BEGAIN: variants seen among roughly 807,000 people sequenced by gnomAD.
The protein encoded by BEGAIN is brain-enriched guanylate kinase-associated protein.
BEGAIN carries 19 observed loss-of-function variants against 35.8 expected under a neutral mutation model. The observed-to-expected ratio is 0.53, with a 90% confidence interval of 0.37 to 0.78. The LOEUF (loss-of-function observed/expected upper bound fraction) is 0.78, where lower values mean the gene tolerates loss of function less well. BEGAIN is among the 30% of genes least tolerant of loss of function. The pLI is 0.00. For synonymous variants in BEGAIN, 462 were observed against 388.6 expected, an observed-to-expected ratio of 1.19 and a Z score of -2.22; for missense variants, 795 against 853.6, an observed-to-expected ratio of 0.93 and a Z score of 0.85.
chr14:100,570,453 C>T (rs768048179), intron 1 of BEGAIN, among the ~76,000 whole-genome samples: 4 of 152,198 alleles, frequency 2.6e-5, no homozygotes, highest in South Asian at 2.1e-4. Context: ...CCATTGCCTT[C>T]GGGGCAACCA....
intron 2 of BEGAIN, among the ~76,000 whole-genome samples, chr14:100,562,899 G>A (rs960129822): frequency 1.3e-5 from 2 of 152,144 alleles, no homozygotes; most frequent in South Asian, 2.1e-4. Context: ...TCATTGCGGC[G>A]TCCTCAGCGC....
chr14:100,564,096 G>A (rs1202228506), intron 2 of BEGAIN, among the ~76,000 whole-genome samples: 2 of 151,422 alleles, frequency 1.3e-5, no homozygotes, highest in Middle Eastern at 3.4e-3. Flanking sequence ...GAAGGGTCTC[G>A]GGGGATCTTA....
intron 2 of BEGAIN, chr14:100,548,805 G>C (rs1038377472): frequency 3.9e-5 from 6 of 152,132 alleles, no homozygotes; most frequent in African/African-American, 1.4e-4. Flanking sequence ...GGTGGGCTCG[G>C]GGCAGACATC....
chr14:100,543,382 T>C (rs557861074), intron 5 of BEGAIN, among the ~76,000 whole-genome samples: 12 of 151,658 alleles, frequency 7.9e-5, no homozygotes, highest in African/African-American at 2.4e-4. Context: ...AGCTAATTCG[T>C]GAATGCAGAG....
chr14:100,566,264 G>T (rs151021261), intron 2 of BEGAIN, among the ~76,000 whole-genome samples: 1 of 152,228 alleles, frequency 6.6e-6, no homozygotes, highest in African/African-American at 2.4e-5. Context: ...CAACGCTGAC[G>T]CCATCAGCAG....
rs760543094 is a variant in BEGAIN at position 100,558,607 on chromosome 14, C to T, written c.71+9304G>A. Among the ~76,000 whole-genome samples, 18 of 152,324 alleles carry T rather than the reference C, an allele frequency of 1.2e-4. No individual in the cohort carries two copies. The highest frequency in any genetic ancestry group is 2.9e-4 in the African/African-American group (12 of 41,570). ...TCATGGGCAGCACAGATCTGCTGGG[C>T]GCAGCTGAGCTCCCATCGCCCCTAC... On this transcript the variant is annotated intron_variant, in intron 2 of 6. Coordinates refer to ENST00000554140, the MANE Select transcript of BEGAIN (RefSeq NM_001385089.1). This position sits in a 1 kb window ranked among gnomAD's most constrained non-coding sequence, Gnocchi z 4.6.
At chr14:100,564,117 G>A (rs1314816445) in intron 2 of BEGAIN, among the ~76,000 whole-genome samples, 1 of 150,288 alleles carries the variant, frequency 6.7e-6, no homozygotes, top group Non-Finnish European at 1.5e-5. Context: ...GGGGCTGGCC[G>A]GGAGCAGGAT....
rs1198600723 is a variant in BEGAIN, at chr14:100,568,496, G to A, written c.43-557C>T. 2 of 1,286,952 alleles carry A rather than the reference G, an allele frequency of 1.6e-6. No individual in the cohort carries two copies. Among genetic ancestry groups the A allele is most frequent in the South Asian group, 1.2e-5 (1 of 80,660 alleles). 79.7% of individuals were successfully genotyped at this position (1,286,952 alleles called of 1,614,324 possible). A position where few individuals can be genotyped will look rare whatever the true frequency, so the allele number is the denominator to read the frequency against. On this transcript the variant is annotated intron_variant, in intron 1 of 6. Coordinates refer to ENST00000554140, the MANE Select transcript of BEGAIN (RefSeq NM_001385089.1). The surrounding 1 kb of genome is among the most constrained non-coding windows in gnomAD (Gnocchi z 7.5). ...GCCTCGACTCCTCAATCAGGGACCC[G>A]CTGCCCTCAGATTCTGGGGTTTTGG...
intron 1 of BEGAIN, among the ~76,000 whole-genome samples, chr14:100,570,764 A>G (rs1402119133): frequency 6.6e-6 from 1 of 151,962 alleles, no homozygotes; most frequent in Non-Finnish European, 1.5e-5. Context: ...GCACGGGCCC[A>G]GCACCCCGGG....
chr14:100,558,663 C>G lies in BEGAIN; in HGVS notation c.71+9248G>C, dbSNP rs541823231. 6.6e-6 allele frequency among the ~76,000 whole-genome samples: 1 copy of G among 152,206 alleles called. No homozygotes were observed. The highest frequency in any genetic ancestry group is 1.5e-5 in the Non-Finnish European group (1 of 68,038). ...CACAGCCTACCCCCACACCCTGCAG[C>G]AAGACAAGTCCTCTCCTGTGCCTCG... On this transcript the variant is annotated intron_variant, in intron 2 of 6. Transcript: ENST00000554140. The surrounding 1 kb of genome is among the most constrained non-coding windows in gnomAD (Gnocchi z 4.6).
chr14:100,557,051 C>G (rs538366892), intron 2 of BEGAIN, among the ~76,000 whole-genome samples: 9 of 150,894 alleles, frequency 6.0e-5, no homozygotes, highest in Admixed American at 3.9e-4. Context: ...GTCCCAGCGC[C>G]GGCTCTGCCG....
intron 1 of BEGAIN, among the ~76,000 whole-genome samples, chr14:100,585,415 C>CCCATCCATCCAT (rs71113272): frequency 4.2e-4 from 28 of 66,056 alleles, no homozygotes; most frequent in African/African-American, 8.8e-4. Context: ...CTCCCTCCCT[C>CCCATCCATCCAT]CCATCCATCC....
At position 100,543,965 on chromosome 14, in the gene BEGAIN, C is replaced by T; in HGVS notation, c.301G>A (p.Gly101Ser). ...CGCTTCTCCTCCTCATAGTGCTGGCCCTGGGGGTGGGACAGTGGGAGGAGG... is the reference window on the plus strand; with the variant it reads ...CGCTTCTCCTCCTCATAGTGCTGGCTCTGGGGGTGGGACAGTGGGAGGAGG... ...QELEDKLYRM[G>S]QHYEEEKRAL... Residue 101 changes from glycine to serine, a missense_variant and splice_region_variant, in exon 5 of 7, where the codon GGC becomes AGC. Physicochemically the swap from Gly to Ser is moderately conservative, Grantham distance 56 (BLOSUM62 0). Coordinates refer to ENST00000554140, the MANE Select transcript of BEGAIN (RefSeq NM_001385089.1). 1 of 1,606,486 alleles carries T rather than the reference C, an allele frequency of 6.2e-7. No individual in the cohort carries two copies. The highest frequency in any genetic ancestry group is 1.1e-5 in the South Asian group (1 of 89,634).
intron 1 of BEGAIN, among the ~76,000 whole-genome samples, chr14:100,581,533 C>T (rs987904660): frequency 3.3e-5 from 5 of 152,162 alleles, no homozygotes; most frequent in East Asian, 1.9e-4. Context: ...GCCCATCCTG[C>T]GTGCCAAGCT....
chr14:100,562,586 C>T (rs903664283), intron 2 of BEGAIN, among the ~76,000 whole-genome samples: 1 of 151,696 alleles, frequency 6.6e-6, no homozygotes, highest in Non-Finnish European at 1.5e-5. Context: ...CAGCAGACCC[C>T]GTCGCTCGAG....
At chr14:100,564,695 C>T (rs911766088) in intron 2 of BEGAIN, among the ~76,000 whole-genome samples, 5 of 152,258 alleles carry the variant, frequency 3.3e-5, no homozygotes, top group Admixed American at 3.3e-4. Flanking sequence ...ACCATGTGGC[C>T]CCCCGGCCTG....
Position 100,567,707 on chromosome 14 carries a change from C to T in BEGAIN, c.71+204G>A, listed in dbSNP as rs1204595028. On this transcript the variant is annotated intron_variant, in intron 2 of 6. Transcript: ENST00000554140. The surrounding 1 kb of genome is among the most constrained non-coding windows in gnomAD (Gnocchi z 5.1). The stretch of plus-strand genomic sequence containing the variant: ...CCCCCGCCGCAGCGGCCCGGGCCGG[C>T]GGAGGAGCCCCGCGCGAGGCTCCCC... Among the ~76,000 whole-genome samples, 1 of 151,196 alleles carries T rather than the reference C, an allele frequency of 6.6e-6. No homozygotes were observed. The highest frequency in any genetic ancestry group is 2.0e-4 in the East Asian group (1 of 5,074).
intron 4 of BEGAIN, among the ~76,000 whole-genome samples, chr14:100,544,292 C>A (rs1294703710): frequency 6.6e-6 from 1 of 152,168 alleles, no homozygotes; most frequent in African/African-American, 2.4e-5. Flanking sequence ...CAGCCCACCT[C>A]ACTGGACAGA....
At chr14:100,556,524 C>T (rs1595128952) in intron 2 of BEGAIN, among the ~76,000 whole-genome samples, 1 of 152,154 alleles carries the variant, frequency 6.6e-6, no homozygotes, top group African/African-American at 2.4e-5. Context: ...CTGCTCAGAG[C>T]GTGCCCTTCC....
Sources: allele counts gnomAD v4.1 joint callset (sites outside exome capture counted in the v4.1 genomes callset), GRCh38; gene constraint gnomAD v4.1.1; non-coding constraint Gnocchi (gnomAD v3.1); transcripts MANE v1.5; gene names NCBI Gene and HGNC (gene_info 2026-07-23, HGNC 2026-07-21).